TRIO: variants seen among roughly 807,000 people sequenced by gnomAD.
The protein encoded by TRIO is triple functional domain protein.
Under a neutral mutation model 351.9 loss-of-function variants are expected in TRIO, and 58 were observed. The ratio of observed to expected loss-of-function variants is 0.16; its 90% CI spans 0.13 to 0.21. The LOEUF (loss-of-function observed/expected upper bound fraction) is 0.21, where lower values mean the gene tolerates loss of function less well. TRIO is among the 10% of genes least tolerant of loss of function. TRIO has a pLI of 1.00. For synonymous variants in TRIO, 1,758 were observed against 1,595.7 expected (o/e 1.10, Z -2.42); for missense variants, 3,201 against 4,027.8 (o/e 0.79, Z 5.56).
chr5:14,369,593 C>A, intron 18 of TRIO, 70 bp downstream of exon 18: 1 of 1,503,656 alleles, frequency 6.7e-7, no homozygotes, highest in South Asian at 1.3e-5. Context: ...GTGGCACAGT[C>A]ATCGCTTCCC....
At chr5:14,189,876 C>G (rs1187650964) in intron 1 of TRIO, among the ~76,000 whole-genome samples, 1 of 151,950 alleles carries the variant, frequency 6.6e-6, no homozygotes, top group Non-Finnish European at 1.5e-5. Context: ...GCGCATCCCA[C>G]CATGCCCAGC....
intron 37 of TRIO, chr5:14,465,857 A>G (rs2126524237): frequency 1.8e-6 from 1 of 568,222 alleles, no homozygotes; most frequent in South Asian, 2.0e-5. Flanking sequence ...GTGTATTCCC[A>G]TGAAAGGACA....
chr5:14,289,115 C>A (rs1414086643), intron 4 of TRIO, among the ~76,000 whole-genome samples: 2 of 151,918 alleles, frequency 1.3e-5, no homozygotes, highest in Non-Finnish European at 2.9e-5. Flanking sequence ...TGGCCGGGCG[C>A]GGTGGCTCAT....
chr5:14,412,989 C>G (rs548248239), intron 33 of TRIO, among the ~76,000 whole-genome samples: 1 of 148,400 alleles, frequency 6.7e-6, no homozygotes. Flanking sequence ...ATATTTAGAT[C>G]AGTGACTAGC....
At chr5:14,430,603 G>C (rs549910685) in intron 34 of TRIO, among the ~76,000 whole-genome samples, 2 of 152,308 alleles carry the variant, frequency 1.3e-5, no homozygotes, top group East Asian at 3.9e-4. Flanking sequence ...GGCTCTCCTA[G>C]TGGGCCTTGG....
chr5:14,372,601 G>C (rs778714561), intron 18 of TRIO, among the ~76,000 whole-genome samples: 1 of 152,184 alleles, frequency 6.6e-6, no homozygotes, highest in African/African-American at 2.4e-5. Flanking sequence ...GTCCAGAAAA[G>C]GCAGAGTAAA....
chr5:14,385,689 T>C (rs1746481047), intron 21 of TRIO, among the ~76,000 whole-genome samples: 1 of 152,228 alleles, frequency 6.6e-6, no homozygotes, highest in South Asian at 2.1e-4. Flanking sequence ...TTTTTATCTT[T>C]GGAATTTTGA....
chr5:14,207,820 T>G (rs1215313110), intron 1 of TRIO, among the ~76,000 whole-genome samples: 1 of 152,168 alleles, frequency 6.6e-6, no homozygotes, highest in Non-Finnish European at 1.5e-5. Flanking sequence ...GCAGAACTTT[T>G]ATAACACAAT....
chr5:14,400,907 C>G (rs1220463090), intron 30 of TRIO, 56 bp from the exon 31 acceptor site: 1 of 1,544,918 alleles, frequency 6.5e-7, no homozygotes, highest in South Asian at 1.1e-5. Flanking sequence ...GGTCTCTGTT[C>G]TGCATCCTTC....
Position 14,461,104 on chromosome 5 carries a change from G to A in TRIO, c.5289G>A (p.Ser1763=), listed in dbSNP as rs777387165. ...CCCACATGATCGGGGCCCAGAGCTC[G>A]CCGGGCCCCAAGCGGCCGGGCAACA... ...LQPHMIGAQS[S]PGPKRPGNTL... is the part of the protein sequence containing the mutation. Residue 1763 remains serine (S), a synonymous_variant, in exon 35 of 57, where the codon TCG becomes TCA. Transcript: ENST00000344204. 3.3e-5 allele frequency: 51 copies of A among 1,564,324 alleles called. 1 individual carries two copies. The Middle Eastern group carries it at 5.0e-4, about 15-fold the overall frequency.
chr5:14,394,393 C>T (rs1747380548), intron 28 of TRIO, among the ~76,000 whole-genome samples: 1 of 152,110 alleles, frequency 6.6e-6, no homozygotes, highest in Non-Finnish European at 1.5e-5. Context: ...TATTTTAGTA[C>T]CCTTAGTTCC....
chr5:14,229,205 T>C (rs905680073), intron 1 of TRIO, among the ~76,000 whole-genome samples: 4 of 151,922 alleles, frequency 2.6e-5, no homozygotes, highest in Non-Finnish European at 4.4e-5. Flanking sequence ...ACAGGGTATG[T>C]CTGATCTAGA....
chr5:14,507,285 AG>A (rs761884675), intron 56 of TRIO, 25 bp downstream of exon 56: 2 of 1,609,924 alleles, frequency 1.2e-6, no homozygotes, highest in Non-Finnish European at 1.7e-6. Flanking sequence ...GGGCAGGTGA[AG>A]GGGGGTCTGA....
intron 33 of TRIO, among the ~76,000 whole-genome samples, 169 bp from the exon 34 acceptor site, chr5:14,419,609 T>C (rs1005920258): frequency 4.6e-5 from 7 of 152,216 alleles, no homozygotes; most frequent in African/African-American, 1.2e-4. Context: ...GAAGCTCTTA[T>C]GAAAAATCAT....
Position 14,154,934 on chromosome 5 carries a change from G to C in TRIO, c.157+11052G>C, listed in dbSNP as rs139098637. Among the ~76,000 whole-genome samples, 648 of 152,228 alleles carry C rather than the reference G, an allele frequency of 4.3e-3. 2 individuals are homozygous for C. The highest frequency in any genetic ancestry group is 6.8e-3 in the Middle Eastern group (2 of 294). On this transcript the variant is annotated intron_variant, in intron 1 of 56. Coordinates refer to ENST00000344204, the MANE Select transcript of TRIO (RefSeq NM_007118.4). ...GTTTGAAGATTTCTAGGATTAAAAG[G>C]ATTGGCCTTTAAGACCCTGGGTTGC...
At chr5:14,288,666 C>CAAA (rs5866094) in intron 4 of TRIO, among the ~76,000 whole-genome samples, 3 of 144,820 alleles carry the variant, frequency 2.1e-5, no homozygotes, top group Non-Finnish European at 3.0e-5. Flanking sequence ...GATTCCGCCT[C>CAAA]AAAAAAAAAA....
chr5:14,151,386 TTGTGTGTG>T (rs34382232), intron 1 of TRIO, among the ~76,000 whole-genome samples: 2 of 148,652 alleles, frequency 1.3e-5, no homozygotes, highest in South Asian at 2.2e-4. Flanking sequence ...GTGTGTGTGT[TTGTGTGTG>T]TGTGTGTGTG....
At chr5:14,249,143 G>C (rs1794603844) in intron 1 of TRIO, among the ~76,000 whole-genome samples, 1 of 152,244 alleles carries the variant, frequency 6.6e-6, no homozygotes, top group African/African-American at 2.4e-5. Flanking sequence ...TAGATGCATG[G>C]CTTCTCCTAT....
Position 14,391,002 on chromosome 5 carries a change from A to T in TRIO, c.4218+12A>T. On this transcript the variant is annotated intron_variant, in intron 27 of 56. Coordinates refer to ENST00000344204, the MANE Select transcript of TRIO (RefSeq NM_007118.4). ...GGTCCTATTTTGACGTAAGTAATAG[A>T]TTCCTAAAGAGACCATAATTTTCCA... The T allele has an allele frequency of 6.3e-7, 1 of 1,579,980 alleles. No individual in the cohort carries two copies. Among genetic ancestry groups the T allele is most frequent in the Non-Finnish European group, 8.6e-7 (1 of 1,167,774 alleles).
Sources: allele counts gnomAD v4.1 joint callset (sites outside exome capture counted in the v4.1 genomes callset), GRCh38; gene constraint gnomAD v4.1.1; transcripts MANE v1.5; gene names NCBI Gene and HGNC (gene_info 2026-07-23, HGNC 2026-07-21).